Variants in AARS2 observed in about 807,000 individuals in gnomAD.
The protein encoded by AARS2 is alanyl-tRNA synthetase 2, mitochondrial.
AARS2 carries 78 observed loss-of-function variants against 119.7 expected under a neutral mutation model. The ratio of observed to expected loss-of-function variants is 0.65; its 90% confidence interval spans 0.54 to 0.79. AARS2 has a LOEUF of 0.79. Ranked by LOEUF, AARS2 falls within the 30% of genes least tolerant of loss-of-function variation. The pLI is 0.00. For missense variants in AARS2, 1,157 were observed against 1,291.3 expected (o/e 0.90, Z 1.59); for synonymous variants, 502 against 526.3 (o/e 0.95, Z 0.63).
rs1446724464 is a variant in AARS2, at chr6:44,308,506, TCCAG to T, written c.895-1116_895-1113del. Among the ~76,000 whole-genome samples the T allele has an allele frequency of 5.3e-5, 8 of 150,336 alleles. No individual in the cohort carries two copies. The East Asian group carries it at 1.4e-3, about 26-fold the overall frequency. On this transcript the variant is annotated intron_variant, in intron 5 of 21. Coordinates refer to ENST00000244571, the MANE Select transcript of AARS2 (RefSeq NM_020745.4). ...GTGAGCCGAGATCATGCCACTGCAC[TCCAG>T]CCTGGACAACAGAGCAAGCAAGACT... is the stretch of plus-strand genomic sequence containing the variant.
At position 44,313,094 on chromosome 6, in the gene AARS2, G is replaced by A. The variant is rs375949891; in HGVS notation, c.230C>T (p.Ala77Val). ...TTCGGCCCTCACCTGGTTCATGCCC[G>A]CATTGACAAAAAGCAAACTGGGGTC... is the stretch of plus-strand genomic sequence containing the variant. ...RGDPSLLFVN[A>V]GMNQFKPIFL... Residue 77 changes from alanine (A) to valine (V), a missense_variant, in exon 1 of 22, where the codon GCG becomes GTG. By Grantham distance (64) the Ala-to-Val change is moderately conservative. Transcript: ENST00000244571. The A allele has an allele frequency of 6.2e-7, 1 of 1,613,316 alleles. No individual in the cohort carries two copies. The highest frequency in any genetic ancestry group is 8.5e-7 in the Non-Finnish European group (1 of 1,179,908).
chr6:44,309,311 G>A (rs1284660656), intron 5 of AARS2, among the ~76,000 whole-genome samples: 1 of 152,166 alleles, frequency 6.6e-6, no homozygotes, highest in Non-Finnish European at 1.5e-5. Context: ...CGGCCTCTCA[G>A]CTCACCACAG....
At position 44,304,290 on chromosome 6, in the gene AARS2, G is replaced by A. The variant is rs1448557043; in HGVS notation, c.1898C>T (p.Thr633Met). 4 of 1,614,190 alleles carry A rather than the reference G, an allele frequency of 2.5e-6. No homozygotes were observed. Among genetic ancestry groups the A allele is most frequent in the Middle Eastern group, 1.6e-4 (1 of 6,062 alleles). ...TGCCCAGTTCAGCAGGTGGGTGGCC[G>A]TATGCTTCGCCATGCAGCCTAGACG... The part of the protein sequence containing the change: ...AWRLGCMAKH[T>M]ATHLLNWALR... The change falls in exon 14 of 22, where the codon ACG becomes ATG. Residue 633 changes from threonine to methionine, a missense_variant. Coordinates refer to ENST00000244571, the MANE Select transcript of AARS2 (RefSeq NM_020745.4).
chr6:44,304,959 GGGAAT>G (rs1360921270), intron 11 of AARS2, 90 bp downstream of exon 11: 1 of 1,609,978 alleles, frequency 6.2e-7, no homozygotes, highest in East Asian at 2.2e-5. Context: ...GGCCATCCTG[GGGAAT>G]ACATAGGGGC....
intron 4 of AARS2, 148 bp from the exon 5 acceptor site, chr6:44,310,591 C>T: frequency 9.3e-7 from 1 of 1,070,532 alleles, no homozygotes; most frequent in Non-Finnish European, 1.4e-6. Flanking sequence ...TGCCACCCTG[C>T]AATAGCAGAT....
In AARS2 at chr6:44,310,903, T is replaced by C. The variant is rs1186640342; in HGVS notation, c.749+91A>G. ...CACACGGTAAGCACCGTTTACATGTTTGTTTTTATATGAAACAGATCAAAG... is the reference window on the plus strand; with the variant it reads ...CACACGGTAAGCACCGTTTACATGTCTGTTTTTATATGAAACAGATCAAAG... On this transcript the variant is annotated intron_variant, in intron 4 of 21. Transcript: ENST00000244571. 2.0e-6 allele frequency: 3 copies of C among 1,535,700 alleles called. 1 individual carries two copies. The East Asian group carries it at 6.8e-5, about 35-fold the overall frequency.
At chr6:44,302,202 C>T (rs914285076) in intron 18 of AARS2, 32 bp from the exon 19 acceptor site, 9 of 1,613,074 alleles carry the variant, frequency 5.6e-6, no homozygotes, top group African/African-American at 1.3e-5. Flanking sequence ...CACCCCTGCC[C>T]TTCCCTGAGC....
chr6:44,302,318 C>G (rs1583049980), intron 18 of AARS2, 73 bp downstream of exon 18: 2 of 1,613,112 alleles, frequency 1.2e-6, no homozygotes, highest in African/African-American at 1.3e-5. Flanking sequence ...TAGGGAGAGT[C>G]TGAAGGAGTC....
chr6:44,300,811 C>T, intron 21 of AARS2, 100 bp from the exon 22 acceptor site: 1 of 1,448,786 alleles, frequency 6.9e-7, no homozygotes, highest in East Asian at 2.4e-5. Context: ...CATCAGTGCC[C>T]CCTTCCCAGC....
At chr6:44,302,728 G>A in intron 17 of AARS2, 74 bp downstream of exon 17, 1 of 1,507,446 alleles carries the variant, frequency 6.6e-7, no homozygotes, top group Non-Finnish European at 9.1e-7. Flanking sequence ...GCACCCCTGA[G>A]CCTGAGCATG....
At position 44,302,820 on chromosome 6, in the gene AARS2, A is replaced by C. The variant is rs755541719; in HGVS notation, c.2346T>G (p.Thr782=). Residue 782 remains threonine (T), a synonymous_variant, in exon 17 of 22, where the codon ACT becomes ACG. Transcript: ENST00000244571. ...SKGTTRLLAV[T]GEQAQQAREL... ...TGCTGACCTGCTGGGCCTGCTCCCC[A>C]GTGACGGCCAGCAGGCGGGTAGTGC... The C allele has an allele frequency of 1.5e-5, 25 of 1,613,672 alleles. No individual in the cohort carries two copies. The highest frequency in any genetic ancestry group is 2.0e-5 in the Non-Finnish European group (24 of 1,179,950).
chr6:44,312,409 C>A, intron 1 of AARS2, 146 bp from the exon 2 acceptor site: 1 of 797,220 alleles, frequency 1.3e-6, no homozygotes, highest in Admixed American at 2.7e-5. Flanking sequence ...TCTATGAGGA[C>A]AAACTGGGAG....
At position 44,311,562 on chromosome 6, in the gene AARS2, G is replaced by A. The variant is rs771712715; in HGVS notation, c.436-27C>T. On this transcript the variant is annotated intron_variant, in intron 2 of 21. Transcript: ENST00000244571. The stretch of plus-strand genomic sequence containing the variant: ...TGCAGCAGAAACCAGCATGGGGTGG[G>A]GGGGGAAGACGGGTGAGAGGGAGAC... The A allele has an allele frequency of 3.0e-5, 48 of 1,609,084 alleles. 1 individual carries two copies. In the South Asian group the frequency reaches 4.3e-4, roughly 14 times the overall value.
Position 44,302,467 on chromosome 6 carries a change from G to T in AARS2, c.2411C>A (p.Thr804Asn). Residue 804 changes from threonine to asparagine, a missense_variant, in exon 18 of 22, where the codon ACT becomes AAT. Thr to Asn is a moderately conservative substitution (Grantham distance 65, BLOSUM62 0). Coordinates refer to ENST00000244571, the MANE Select transcript of AARS2 (RefSeq NM_020745.4). The part of the protein sequence containing the change: ...QSLAQEVKAA[T>N]ERLSLGSRDV... The stretch of plus-strand genomic sequence containing the variant: ...CCGGCTCCCCAGACTCAGCCGCTCA[G>T]TGGCCGCTTTCACTTCCTGGGCCAG... 1 of 1,614,176 alleles carries T rather than the reference G, an allele frequency of 6.2e-7. No individual in the cohort carries two copies. Among genetic ancestry groups the T allele is most frequent in the Non-Finnish European group, 8.5e-7 (1 of 1,180,022 alleles).
Position 44,312,174 on chromosome 6 carries a change from A to C in AARS2, c.333T>G (p.Ala111=). 1 of 1,614,262 alleles carries C rather than the reference A, an allele frequency of 6.2e-7. No homozygotes were observed. The highest frequency in any genetic ancestry group is 8.5e-7 in the Non-Finnish European group (1 of 1,180,054). The change falls in exon 2 of 22, where the codon GCT becomes GCG. Residue 111 remains alanine, a synonymous_variant. Coordinates refer to ENST00000244571, the MANE Select transcript of AARS2 (RefSeq NM_020745.4). The stretch of plus-strand genomic sequence containing the variant: ...CTTCCAGGTCGTTATGGTGTCCTCC[A>C]GCTCTCACACATTTCTGGCTGTTGG... The part of the protein sequence containing the change: ...RVANSQKCVR[A]GGHHNDLEDV...
rs1169197935 is a variant in AARS2 at position 44,303,076 on chromosome 6, A to G, written c.2245T>C (p.Cys749Arg). ...AAAGGAGTGACTCACGTCCCACAGC[A>G]TAGCTCCACAGAGGTCTGCAGTGCG... ...QAALQTSVEL[C>R]CGTHLLRTGA... The change falls in exon 16 of 22, where the codon TGC becomes CGC. Residue 749 changes from cysteine to arginine, a missense_variant. Physicochemically the swap from Cys to Arg is radical, Grantham distance 180 (BLOSUM62 -3). Coordinates refer to ENST00000244571, the MANE Select transcript of AARS2 (RefSeq NM_020745.4). 1.2e-6 allele frequency: 2 copies of G among 1,614,042 alleles called. No homozygotes were observed. Among genetic ancestry groups the G allele is most frequent in the Non-Finnish European group, 8.5e-7 (1 of 1,180,024 alleles).
At chr6:44,302,318 C>A in intron 18 of AARS2, 73 bp downstream of exon 18, 12 of 1,613,230 alleles carry the variant, frequency 7.4e-6, no homozygotes, top group East Asian at 2.2e-5. Context: ...TAGGGAGAGT[C>A]TGAAGGAGTC....
Position 44,306,339 on chromosome 6 carries a change from C to G in AARS2, c.1241G>C (p.Arg414Pro), listed in dbSNP as rs373597329. ...AGTCCGATCAATGATCCGCCTACCCCGCTCCAGGGAGGCCAGGAAGGCTGC... is the reference window on the plus strand; with the variant it reads ...AGTCCGATCAATGATCCGCCTACCCGGCTCCAGGGAGGCCAGGAAGGCTGC... ...DEAAFLASLERGRRIIDRTLR... is the reference protein window; with the variant it reads ...DEAAFLASLEPGRRIIDRTLR... Residue 414 changes from arginine to proline, a missense_variant, in exon 9 of 22, where the codon CGG becomes CCG. Transcript: ENST00000244571. 6.2e-7 allele frequency: 1 copy of G among 1,614,158 alleles called. No individual in the cohort carries two copies. Among genetic ancestry groups the G allele is most frequent in the South Asian group, 1.1e-5 (1 of 91,086 alleles).
In AARS2 at chr6:44,304,830, A is replaced by G. The variant is rs1277024758; in HGVS notation, c.1580-13T>C. The G allele has an allele frequency of 2.5e-6, 4 of 1,614,088 alleles. No individual in the cohort carries two copies. In the East Asian group the frequency reaches 8.9e-5, roughly 36 times the overall value. On this transcript the variant is annotated splice_polypyrimidine_tract_variant and intron_variant, in intron 11 of 21. Transcript: ENST00000244571. ...CAGGTGCCGAACTCTGCCAGGGCACAGAATGGTTATTAGTGGTGGGCAGGG... is the reference window on the plus strand; with the variant it reads ...CAGGTGCCGAACTCTGCCAGGGCACGGAATGGTTATTAGTGGTGGGCAGGG...
Sources: gnomAD v4.1 joint callset for allele counts (sites outside exome capture counted in the v4.1 genomes callset) on GRCh38, gnomAD v4.1.1 for gene constraint, MANE v1.5 for transcripts, NCBI Gene and HGNC (gene_info 2026-07-23, HGNC 2026-07-21) for gene names.